NEBL: variants seen among roughly 807,000 people sequenced by gnomAD.
The protein encoded by NEBL is nebulette, also known as LIM and SH3 protein 2.
Under a neutral mutation model 140.2 loss-of-function variants are expected in NEBL, and 122 were observed. That is an observed-to-expected ratio of 0.87 (90% CI 0.75 to 1.01). The LOEUF is 1.01. Among genes scored for constraint, NEBL ranks in the 50% least tolerant of loss-of-function variants. The pLI is 0.00. For synonymous variants in NEBL, 436 were observed against 398.9 expected (o/e 1.09, Z -1.11); for missense variants, 1,365 against 1,231.3 (o/e 1.11, Z -1.62).
intron 4 of NEBL, among the ~76,000 whole-genome samples, chr10:20,887,653 G>A (rs528344505): frequency 6.6e-6 from 1 of 152,090 alleles, no homozygotes; most frequent in African/African-American, 2.4e-5. Flanking sequence ...CTGAGCTCAA[G>A]CATTCTGCCC....
chr10:21,207,042 C>T (rs373589292), intron 3 of NEBL, among the ~76,000 whole-genome samples: 61 of 143,520 alleles, frequency 4.3e-4, no homozygotes, highest in African/African-American at 1.4e-3. Context: ...GGTGCAGGCT[C>T]GGCTTACTGC....
At chr10:20,971,880 T>C (rs898121627) in intron 3 of NEBL, among the ~76,000 whole-genome samples, 1 of 152,174 alleles carries the variant, frequency 6.6e-6, no homozygotes, top group Non-Finnish European at 1.5e-5. Context: ...CCCAAAGTGC[T>C]GGGATTACAG....
chr10:21,210,533 C>T (rs919364615), intron 3 of NEBL, among the ~76,000 whole-genome samples: 22 of 152,144 alleles, frequency 1.4e-4, no homozygotes, highest in African/African-American at 4.8e-4. Context: ...TATAACATTG[C>T]TGCCATTTTT....
intron 4 of NEBL, among the ~76,000 whole-genome samples, chr10:20,954,349 G>A (rs1366641105): frequency 6.6e-6 from 1 of 152,158 alleles, no homozygotes; most frequent in Non-Finnish European, 1.5e-5. Context: ...ATTAAATATG[G>A]CAGTGGGCTA....
chr10:20,857,302 T>C (rs1420039418), intron 9 of NEBL, among the ~76,000 whole-genome samples: 2 of 152,196 alleles, frequency 1.3e-5, no homozygotes, highest in African/African-American at 4.8e-5. Flanking sequence ...CTGTATCTCC[T>C]TATTTAACTG....
chr10:20,997,945 C>A (rs1205810744), intron 3 of NEBL, among the ~76,000 whole-genome samples: 1 of 151,970 alleles, frequency 6.6e-6, no homozygotes, highest in Admixed American at 6.6e-5. Context: ...TACTACATAA[C>A]TTAATTAAAA....
chr10:20,969,912 G>A (rs1836496607), intron 3 of NEBL, among the ~76,000 whole-genome samples: 2 of 152,122 alleles, frequency 1.3e-5, no homozygotes, highest in Admixed American at 6.6e-5. Context: ...ACACTCAAGT[G>A]TAGCTTAGTG....
At chr10:21,238,798 A>C (rs1289139337) in intron 3 of NEBL, among the ~76,000 whole-genome samples, 1 of 151,532 alleles carries the variant, frequency 6.6e-6, no homozygotes, top group Non-Finnish European at 1.5e-5. Context: ...CTTTTCTTTT[A>C]AGATCCCCCC....
chr10:21,263,404 G>C (rs1266852522), intron 1 of NEBL, among the ~76,000 whole-genome samples: 1 of 152,102 alleles, frequency 6.6e-6, no homozygotes, highest in Non-Finnish European at 1.5e-5. Context: ...GAAAGGGGGC[G>C]GGGGGTTGAG....
intron 3 of NEBL, among the ~76,000 whole-genome samples, chr10:20,968,447 G>T (rs1836427090): frequency 6.6e-6 from 1 of 152,110 alleles, no homozygotes; most frequent in African/African-American, 2.4e-5. Flanking sequence ...GAAGTTCAAG[G>T]CTGCAGTGAG....
At chr10:20,823,098 T>A in intron 19 of NEBL, 110 bp downstream of exon 19, 1 of 784,214 alleles carries the variant, frequency 1.3e-6, no homozygotes, top group Admixed American at 2.2e-5. Context: ...GAACCGATCC[T>A]CTCGCAATGA....
At position 21,030,761 on chromosome 10, in the gene NEBL, A is replaced by T. The variant is rs774147565; in HGVS notation, c.165-10560T>A. ...GAGTCAGATAGGAAAGATGGCAAAA[A>T]GGAGCATGACTCCAGATCTGCACCT... On this transcript the variant is annotated intron_variant, in intron 2 of 6. Coordinates refer to the NEBL transcript ENST00000417816. 3.0e-5 allele frequency: 13 copies of T among 429,312 alleles called. 1 individual carries two copies. The highest frequency in any genetic ancestry group is 1.9e-4 in the South Asian group (10 of 51,438). 26.6% of individuals were successfully genotyped at this position (429,312 alleles called of 1,614,324 possible).
Position 20,913,310 on chromosome 10 carries a change from C to T in NEBL, c.357+48362G>A, listed in dbSNP as rs545512075. Reference sequence around the variant, plus strand: ...ATTATTCATTCCTAAAAGGCACTGCCGATCCTTCACATTGAACATCAGAAA... The same window carrying T: ...ATTATTCATTCCTAAAAGGCACTGCTGATCCTTCACATTGAACATCAGAAA... On this transcript the variant is annotated intron_variant, in intron 4 of 6. Transcript: ENST00000417816. 7.9e-5 allele frequency among the ~76,000 whole-genome samples: 12 copies of T among 152,214 alleles called. No homozygotes were observed. The East Asian group carries it at 1.9e-3, about 24-fold the overall frequency.
intron 2 of NEBL, among the ~76,000 whole-genome samples, chr10:21,045,572 A>G (rs543961721): frequency 5.3e-5 from 8 of 152,326 alleles, no homozygotes; most frequent in African/African-American, 9.6e-5. Context: ...CTGAATAGAC[A>G]TTTCTCGAAA....
intron 2 of NEBL, among the ~76,000 whole-genome samples, chr10:21,073,614 C>T (rs184573151): frequency 1.7e-5 from 2 of 115,934 alleles, no homozygotes; most frequent in South Asian, 3.0e-4. Flanking sequence ...AAGACTCTGT[C>T]GTCAAAAAAA....
chr10:20,974,447 T>C (rs748046631), intron 3 of NEBL, among the ~76,000 whole-genome samples: 61 of 151,926 alleles, frequency 4.0e-4, no homozygotes, highest in Non-Finnish European at 7.4e-4. Context: ...AAAGATGGGG[T>C]TTTGCCATGC....
At chr10:20,852,087 T>C (rs545453852) in intron 10 of NEBL, among the ~76,000 whole-genome samples, 1 of 152,118 alleles carries the variant, frequency 6.6e-6, no homozygotes, top group African/African-American at 2.4e-5. Context: ...TACCTAGAAT[T>C]TCATATTGGA....
chr10:20,939,836 G>A (rs1287422413), intron 4 of NEBL, among the ~76,000 whole-genome samples: 2 of 152,192 alleles, frequency 1.3e-5, no homozygotes, highest in Admixed American at 6.5e-5. Context: ...AAGAGACAAA[G>A]AAGGCCATTA....
In NEBL at chr10:20,817,614, T is replaced by G; in HGVS notation, c.2134A>C (p.Lys712Gln). The G allele has an allele frequency of 6.2e-7, 1 of 1,612,708 alleles. No homozygotes were observed. Among genetic ancestry groups the G allele is most frequent in the Non-Finnish European group, 8.5e-7 (1 of 1,178,630 alleles). ...GATGATCACACATTGCTGATGTTTT[T>G]CTGGTTTTCTTTTGCCCTCTTCAGC... ...PELKRAKENQKNISNVYYRGQ... is the reference protein window; with the variant it reads ...PELKRAKENQQNISNVYYRGQ... The change falls in exon 21 of 28, where the codon AAA (lysine) becomes CAA (glutamine). Residue 712 changes from lysine to glutamine, a missense_variant. By Grantham distance (53) the Lys-to-Gln change is moderately conservative. This residue lies in a region of NEBL where 1,323 missense variants were observed against 1,154.8 expected (regional missense o/e 1.15). Coordinates refer to ENST00000377122, the MANE Select transcript of NEBL (RefSeq NM_006393.3).
Sources: gnomAD v4.1 joint callset for allele counts (sites outside exome capture counted in the v4.1 genomes callset) on GRCh38, gnomAD v4.1.1 for gene constraint, gnomAD v4.1.1 regional missense constraint, MANE v1.5 for transcripts, NCBI Gene and HGNC (gene_info 2026-07-23, HGNC 2026-07-21) for gene names.